Variants in SPRY4 observed in about 807,000 individuals in gnomAD.
The protein encoded by SPRY4 is protein sprouty homolog 4.
A neutral mutation model predicts 17.0 loss-of-function variants in SPRY4; 7 were observed. The ratio of observed to expected loss-of-function variants is 0.41; its 90% CI spans 0.23 to 0.77. SPRY4 has a LOEUF of 0.77. SPRY4 is among the 30% of genes least tolerant of loss of function. The pLI, the probability that SPRY4 is intolerant of heterozygous loss-of-function variation, is 0.32. For missense variants in SPRY4, 435 were observed against 419.9 expected, an observed-to-expected ratio of 1.04 and a Z score of -0.31; for synonymous variants, 183 against 174.1, an observed-to-expected ratio of 1.05 and a Z score of -0.40.
intron 1 of SPRY4, among the ~76,000 whole-genome samples, chr5:142,320,800 A>G (rs1268982064): frequency 6.6e-6 from 1 of 152,158 alleles, no homozygotes; most frequent in East Asian, 1.9e-4. Flanking sequence ...CCACCAAGAA[A>G]TGAACTTACA....
rs1288226626 is a variant in SPRY4 at position 142,314,426 on chromosome 5, C to G, written c.683G>C (p.Arg228Pro). The change falls in exon 2 of 2, where the codon CGC (arginine) becomes CCC (proline). Residue 228 changes from arginine to proline, a missense_variant. Arg to Pro is a moderately radical substitution (Grantham distance 103). Coordinates refer to ENST00000434127, the MANE Select transcript of SPRY4 (RefSeq NM_001127496.3). The surrounding 1 kb of genome is among the most constrained non-coding windows in gnomAD (Gnocchi z 4.8). The part of the protein sequence containing the change: ...SCADHPCSCS[R>P]SNCCARWSFM... ...GGACCAGCGGGCGCAGCAGTTGGAG[C>G]GGGAGCAGGAGCAGGGGTGGTCAGC... 2 of 1,613,776 alleles carry G rather than the reference C, an allele frequency of 1.2e-6. No homozygotes were observed. The highest frequency in any genetic ancestry group is 8.5e-7 in the Non-Finnish European group (1 of 1,179,926).
In SPRY4 at chr5:142,314,005, A is replaced by G. The variant is rs1759027898; in HGVS notation, c.*204T>C. The G allele has an allele frequency of 5.0e-6, 3 of 594,912 alleles. No homozygotes were observed. The highest frequency in any genetic ancestry group is 2.4e-5 in the South Asian group (1 of 41,036). 36.9% of individuals were successfully genotyped at this position (594,912 alleles called of 1,614,324 possible). A position where few individuals can be genotyped will look rare whatever the true frequency, so the allele number is the denominator to read the frequency against. On this transcript the variant is annotated 3_prime_UTR_variant, in exon 2 of 2. Transcript: ENST00000434127. The surrounding 1 kb of genome is among the most constrained non-coding windows in gnomAD (Gnocchi z 4.8). ...ACAAAGTTTCAGGACCCTGAAAAAAAGCCCCAAAGTGCTTCTTCATCACCT... is the reference window on the plus strand; with the variant it reads ...ACAAAGTTTCAGGACCCTGAAAAAAGGCCCCAAAGTGCTTCTTCATCACCT...
chr5:142,321,807 C>T (rs987418776), intron 1 of SPRY4, among the ~76,000 whole-genome samples: 4 of 152,184 alleles, frequency 2.6e-5, no homozygotes, highest in African/African-American at 9.6e-5. Flanking sequence ...CACCCAGGCC[C>T]TCATCAACAG....
rs1363220712 is a variant in SPRY4, at chr5:142,312,298, G to C, written c.*1911C>G. On this transcript the variant is annotated 3_prime_UTR_variant, in exon 2 of 2. Transcript: ENST00000434127. ...ACAACTGTGGCAAGGGTAGCTACAC[G>C]AATCAGCCTTGGAAAATGCAGATGC... 6.6e-6 allele frequency: 1 copy of C among 152,576 alleles called. No homozygotes were observed. The highest frequency in any genetic ancestry group is 1.5e-5 in the Non-Finnish European group (1 of 68,032). 9.5% of individuals were successfully genotyped at this position (152,576 alleles called of 1,614,324 possible).
At chr5:142,317,149 G>A (rs1759180535) in intron 1 of SPRY4, 2 of 985,458 alleles carry the variant, frequency 2.0e-6, no homozygotes, top group Non-Finnish European at 2.4e-6. Context: ...CTGGAGAGAG[G>A]GAATGCAAGT....
At chr5:142,319,922 G>T in intron 1 of SPRY4, 2 of 846,968 alleles carry the variant, frequency 2.4e-6, no homozygotes, top group Non-Finnish European at 3.5e-6. Flanking sequence ...AAACCTGACA[G>T]TTGTACTTTG....
rs1476028642 is a variant in SPRY4, at chr5:142,314,146, C to T, written c.*63G>A. On this transcript the variant is annotated 3_prime_UTR_variant, in exon 2 of 2. Coordinates refer to ENST00000434127, the MANE Select transcript of SPRY4 (RefSeq NM_001127496.3). The surrounding 1 kb of genome is among the most constrained non-coding windows in gnomAD (Gnocchi z 4.8). ...CTAAAACCTCTGACCTTGCTGCAGT[C>T]TTCTTAGATGTCAGAAGAGAACCAG... is the stretch of plus-strand genomic sequence containing the variant. The T allele has an allele frequency of 6.6e-7, 1 of 1,518,514 alleles. No homozygotes were observed. The highest frequency in any genetic ancestry group is 8.8e-7 in the Non-Finnish European group (1 of 1,132,132). 94.1% of individuals were successfully genotyped at this position (1,518,514 alleles called of 1,614,324 possible).
rs1470747558 is a variant in SPRY4 at position 142,313,937 on chromosome 5, T to C, written c.*272A>G. Reference sequence around the variant, plus strand: ...TGTTCTGTCTTCTGAAAAAGAAAAATTTCCCCCCAAACCACACCCTGCCCC... The same window carrying C: ...TGTTCTGTCTTCTGAAAAAGAAAAACTTCCCCCCAAACCACACCCTGCCCC... On this transcript the variant is annotated 3_prime_UTR_variant, in exon 2 of 2. Transcript: ENST00000434127. The C allele has an allele frequency of 4.5e-6, 2 of 447,792 alleles. No individual in the cohort carries two copies. Among genetic ancestry groups the C allele is most frequent in the Non-Finnish European group, 8.0e-6 (2 of 249,716 alleles). 27.7% of individuals were successfully genotyped at this position (447,792 alleles called of 1,614,324 possible). A position where few individuals can be genotyped will look rare whatever the true frequency, so the allele number is the denominator to read the frequency against.
At chr5:142,318,340 G>A (rs1225449635) in intron 1 of SPRY4, among the ~76,000 whole-genome samples, 1 of 151,942 alleles carries the variant, frequency 6.6e-6, no homozygotes, top group African/African-American at 2.4e-5. Context: ...ACAAAAATTA[G>A]CCAGGCATGG....
intron 1 of SPRY4, chr5:142,317,324 T>C (rs1759187168): frequency 1.0e-6 from 1 of 985,332 alleles, no homozygotes; most frequent in South Asian, 4.7e-5. Context: ...GAGCCCAAGG[T>C]CCAGCACTGA....
rs140829187 is a variant in SPRY4, at chr5:142,322,205, G to C, written c.-48+2639C>G. ...ATAAAAATGACATATGAGGCCGGGCGTGGTGGCTCACGCCTGTAATCCCAG... is the reference window on the plus strand; with the variant it reads ...ATAAAAATGACATATGAGGCCGGGCCTGGTGGCTCACGCCTGTAATCCCAG... On this transcript the variant is annotated intron_variant, in intron 1 of 1. Coordinates refer to ENST00000434127, the MANE Select transcript of SPRY4 (RefSeq NM_001127496.3). Among the ~76,000 whole-genome samples, 618 of 152,278 alleles carry C rather than the reference G, an allele frequency of 4.1e-3. 4 individuals carry two copies. The highest frequency in any genetic ancestry group is 0.014 in the African/African-American group (572 of 41,562).
chr5:142,324,465 C>G (rs1001847932), intron 1 of SPRY4: 8 of 152,328 alleles, frequency 5.3e-5, no homozygotes, highest in African/African-American at 1.9e-4. Context: ...AACGGTGGCT[C>G]CTGACCAAGC....
intron 1 of SPRY4, among the ~76,000 whole-genome samples, chr5:142,316,586 G>GT (rs1259460629): frequency 6.6e-6 from 1 of 152,178 alleles, no homozygotes; most frequent in Non-Finnish European, 1.5e-5. Context: ...TTGCATTAAT[G>GT]TATTATGGGG....
chr5:142,323,872 G>A (rs1486066920), intron 1 of SPRY4: 2 of 152,412 alleles, frequency 1.3e-5, no homozygotes, highest in Non-Finnish European at 2.9e-5. Flanking sequence ...TGGCGATTCA[G>A]AATTTGTCAG....
At chr5:142,321,917 C>G (rs1193061681) in intron 1 of SPRY4, among the ~76,000 whole-genome samples, 4 of 152,248 alleles carry the variant, frequency 2.6e-5, no homozygotes, top group Non-Finnish European at 5.9e-5. Flanking sequence ...GGAATCCCCA[C>G]ATATGGTCCC....
chr5:142,318,453 T>C (rs1759233522), intron 1 of SPRY4, among the ~76,000 whole-genome samples: 1 of 150,928 alleles, frequency 6.6e-6, no homozygotes, highest in South Asian at 2.1e-4. Context: ...ACCACTGCAC[T>C]CTAGCCTGAG....
Position 142,319,823 on chromosome 5 carries a change from G to C in SPRY4, c.-47-4668C>G. 12 of 1,595,356 alleles carry C rather than the reference G, an allele frequency of 7.5e-6. 1 individual carries two copies. In the South Asian group the frequency reaches 1.4e-4, roughly 18 times the overall value. The stretch of plus-strand genomic sequence containing the variant: ...AAAAGAATCAAGAGGCATGTTAAAT[G>C]TCCGCACAATTGAGCAGGATGCCTA... On this transcript the variant is annotated intron_variant, in intron 1 of 1. Coordinates refer to ENST00000434127, the MANE Select transcript of SPRY4 (RefSeq NM_001127496.3).
At position 142,324,958 on chromosome 5, in the gene SPRY4, C is replaced by CCTGCGCTCCACAGCGCCAGCT. The variant is rs1759482846; in HGVS notation, c.-183_-163dup. ...CCGGTCGGAGGAACCGGCAAGGCTC[C>CCTGCGCTCCACAGCGCCAGCT]CTGCGCTCCACAGCGCCAGCTCCGC... On this transcript the variant is annotated 5_prime_UTR_variant, in exon 1 of 2. Coordinates refer to ENST00000434127, the MANE Select transcript of SPRY4 (RefSeq NM_001127496.3). The CCTGCGCTCCACAGCGCCAGCT allele has an allele frequency of 6.5e-6, 1 of 152,704 alleles. No homozygotes were observed. Among genetic ancestry groups the CCTGCGCTCCACAGCGCCAGCT allele is most frequent in the Non-Finnish European group, 1.5e-5 (1 of 68,066 alleles). The allele number at this position is 152,704 out of a possible 1,614,324, so 9.5% of individuals were successfully genotyped here.
At position 142,320,306 on chromosome 5, in the gene SPRY4, G is replaced by A. The variant is rs144834521; in HGVS notation, c.-48+4538C>T. On this transcript the variant is annotated intron_variant, in intron 1 of 1. Transcript: ENST00000434127. ...ATAAAGCATTTGGGCAGCTGGATTT[G>A]TCTATGAATCTTTCTTCCTTCCCCC... 1.1e-4 allele frequency among the ~76,000 whole-genome samples: 16 copies of A among 152,074 alleles called. No individual in the cohort carries two copies. The East Asian group carries it at 3.1e-3, about 29-fold the overall frequency.
Sources: gnomAD v4.1 joint callset for allele counts (sites outside exome capture counted in the v4.1 genomes callset) on GRCh38, gnomAD v4.1.1 for gene constraint, Gnocchi (gnomAD v3.1) non-coding constraint, MANE v1.5 for transcripts, NCBI Gene and HGNC (gene_info 2026-07-23, HGNC 2026-07-21) for gene names.